DLG2: variants seen among roughly 807,000 people sequenced by gnomAD.
The protein encoded by DLG2 is disks large homolog 2.
A neutral mutation model predicts 132.5 loss-of-function variants in DLG2; 45 were observed. The observed-to-expected ratio is 0.34, with a 90% CI of 0.27 to 0.44. The LOEUF is 0.44. Ranked by LOEUF, DLG2 falls within the 20% of genes least tolerant of loss-of-function variation. The pLI is 1.00. For synonymous variants in DLG2, 424 were observed against 419.6 expected, an observed-to-expected ratio of 1.01 and a Z score of -0.13; for missense variants, 1,045 against 1,196.9, an observed-to-expected ratio of 0.87 and a Z score of 1.87.
intron 3 of DLG2, among the ~76,000 whole-genome samples, chr11:85,471,952 C>G (rs963563905): frequency 6.6e-6 from 1 of 152,088 alleles, no homozygotes; most frequent in African/African-American, 2.4e-5. Flanking sequence ...CATAATGTGA[C>G]TTTTAGATAA....
chr11:84,413,975 C>T (rs1279871134), intron 7 of DLG2, among the ~76,000 whole-genome samples: 1 of 152,150 alleles, frequency 6.6e-6, no homozygotes, highest in African/African-American at 2.4e-5. Context: ...ATAATAGCAA[C>T]ACAAACTTCA....
intron 8 of DLG2, among the ~76,000 whole-genome samples, chr11:84,185,380 A>G (rs971797696): frequency 1.5e-4 from 23 of 152,100 alleles, no homozygotes; most frequent in Non-Finnish European, 2.4e-4. Flanking sequence ...TTTGTCTGTT[A>G]TTTGTGTATA....
chr11:85,595,667 GAAGA>G (rs1284698170), intron 3 of DLG2, among the ~76,000 whole-genome samples: 1 of 152,084 alleles, frequency 6.6e-6, no homozygotes, highest in East Asian at 1.9e-4. Flanking sequence ...AGGGACTCTA[GAAGA>G]AAGGAGGAAG....
chr11:83,596,639 A>G (rs17145676), intron 19 of DLG2, among the ~76,000 whole-genome samples: 7,314 of 152,208 alleles, frequency 0.048, 496 homozygotes, highest in African/African-American at 0.15. Flanking sequence ...TAGAGTCCCA[A>G]GTTACTTTAC....
chr11:83,478,869 G>A (rs2092847780), intron 22 of DLG2, among the ~76,000 whole-genome samples: 1 of 152,000 alleles, frequency 6.6e-6, no homozygotes, highest in East Asian at 1.9e-4. Flanking sequence ...CAGCTTAGGT[G>A]TTATTAACAC....
chr11:83,858,407 A>G (rs1280464412), intron 16 of DLG2, among the ~76,000 whole-genome samples: 1 of 152,188 alleles, frequency 6.6e-6, no homozygotes, highest in African/African-American at 2.4e-5. Context: ...GGCATGAGGA[A>G]TTGAAAAAGA....
intron 5 of DLG2, among the ~76,000 whole-genome samples, chr11:85,114,251 G>C (rs2073208194): frequency 6.6e-6 from 1 of 151,888 alleles, no homozygotes; most frequent in African/African-American, 2.4e-5. Flanking sequence ...CTACTCAAAA[G>C]AGTAGGAGGT....
At chr11:83,753,149 G>A (rs941732739) in intron 18 of DLG2, among the ~76,000 whole-genome samples, 22 of 152,302 alleles carry the variant, frequency 1.4e-4, no homozygotes, top group East Asian at 3.9e-4. Flanking sequence ...ATGGCCGGGC[G>A]TGGTGGCTCA....
chr11:84,706,314 G>C (rs1022889647), intron 6 of DLG2, among the ~76,000 whole-genome samples: 3 of 151,832 alleles, frequency 2.0e-5, no homozygotes, highest in African/African-American at 7.2e-5. Flanking sequence ...CAACTATACA[G>C]AGAGTGCTTT....
intron 4 of DLG2, among the ~76,000 whole-genome samples, chr11:85,278,855 T>G (rs765255192): frequency 2.6e-5 from 4 of 152,156 alleles, no homozygotes; most frequent in Non-Finnish European, 5.9e-5. Flanking sequence ...TCTACCCATT[T>G]TCTAACAGTA....
intron 6 of DLG2, among the ~76,000 whole-genome samples, chr11:84,789,173 A>C (rs894930955): frequency 6.6e-6 from 1 of 152,158 alleles, no homozygotes; most frequent in Non-Finnish European, 1.5e-5. Context: ...TGATGATTGG[A>C]TAGCATGTTC....
chr11:85,333,335 T>A (rs2081904215), intron 3 of DLG2, among the ~76,000 whole-genome samples: 1 of 152,228 alleles, frequency 6.6e-6, no homozygotes, highest in South Asian at 2.1e-4. Flanking sequence ...TCTAGGATCT[T>A]CTTGGCAGAG....
intron 7 of DLG2, among the ~76,000 whole-genome samples, chr11:84,441,133 A>G (rs1276394046): frequency 1.4e-5 from 1 of 69,508 alleles, no homozygotes; most frequent in East Asian, 3.4e-4. Flanking sequence ...ATGTTAGTAA[A>G]TTATTATTAT....
At chr11:85,233,016 G>A (rs562875645) in intron 4 of DLG2, among the ~76,000 whole-genome samples, 3 of 151,828 alleles carry the variant, frequency 2.0e-5, no homozygotes, top group South Asian at 2.1e-4. Flanking sequence ...CATGCGTTAT[G>A]TTTAATTCTA....
chr11:85,134,186 G>A (rs2075967236), intron 5 of DLG2, among the ~76,000 whole-genome samples: 1 of 151,338 alleles, frequency 6.6e-6, no homozygotes, highest in African/African-American at 2.4e-5. Context: ...AATGTCTAGG[G>A]ACCCATACAC....
intron 6 of DLG2, among the ~76,000 whole-genome samples, chr11:84,847,265 T>TGG (rs2081591796): frequency 6.6e-6 from 1 of 151,894 alleles, no homozygotes; most frequent in Non-Finnish European, 1.5e-5. Context: ...GGAAGAAAAG[T>TGG]GGGGGAGCAC....
rs544335257 is a variant in DLG2, at chr11:84,460,458, T to C, written c.519+74112A>G. 2.1e-3 allele frequency among the ~76,000 whole-genome samples: 321 copies of C among 150,662 alleles called. 1 individual carries two copies. The highest frequency in any genetic ancestry group is 7.0e-3 in the African/African-American group (290 of 41,334). On this transcript the variant is annotated intron_variant, in intron 7 of 27. Coordinates refer to ENST00000376104, the MANE Select transcript of DLG2 (RefSeq NM_001142699.3). ...GCATTCCAAGAATGAAGATCTAAAA[T>C]TTGTACTATACACAGAGTTAGCTCA... is the stretch of plus-strand genomic sequence containing the variant.
intron 11 of DLG2, among the ~76,000 whole-genome samples, chr11:84,026,195 C>T (rs1419052732): frequency 3.3e-5 from 5 of 152,086 alleles, no homozygotes; most frequent in Middle Eastern, 3.4e-3. Flanking sequence ...GTTGACCTTG[C>T]AGCTTATAAT....
intron 6 of DLG2, among the ~76,000 whole-genome samples, chr11:85,000,428 T>C (rs2058104189): frequency 6.6e-6 from 1 of 152,180 alleles, no homozygotes; most frequent in African/African-American, 2.4e-5. Flanking sequence ...TTTTTTTAAA[T>C]CCTAGCCTTC....
Sources: allele counts gnomAD v4.1 joint callset (sites outside exome capture counted in the v4.1 genomes callset), GRCh38; gene constraint gnomAD v4.1.1; transcripts MANE v1.5; gene names NCBI Gene and HGNC (gene_info 2026-07-23, HGNC 2026-07-21).